The following MMP11 variants were observed in gnomAD, a reference collection of about 807,000 sequenced individuals.
MMP11 encodes the protein stromelysin-3.
A neutral mutation model predicts 49.5 loss-of-function variants in MMP11; 26 were observed. The ratio of observed to expected loss-of-function variants is 0.52; its 90% CI spans 0.38 to 0.73. The LOEUF is 0.73. Ranked by LOEUF, MMP11 falls within the 30% of genes least tolerant of loss-of-function variation. The pLI is 0.00. For synonymous variants in MMP11, 265 were observed against 282.3 expected (o/e 0.94, Z 0.62); for missense variants, 624 against 671.2 (o/e 0.93, Z 0.78).
At chr22:23,781,842 G>C (rs1160512857) in intron 6 of MMP11, 2 of 593,360 alleles carry the variant, frequency 3.4e-6, no homozygotes, top group African/African-American at 3.7e-5. Context: ...CATTGCAGAT[G>C]CCAGGGACTT....
In MMP11 at chr22:23,780,718, A is replaced by ATGGGC; in HGVS notation, c.616+8_616+12dup. ...CTGGACTATCGGGGATGACCAGGGT[A>ATGGGC]TGGGCTGGGGACCCATTTTCCAGAT... On this transcript the variant is annotated splice_donor_region_variant and intron_variant, in intron 4 of 7. Coordinates refer to ENST00000215743, the MANE Select transcript of MMP11 (RefSeq NM_005940.5). The surrounding 1 kb of genome is among the most constrained non-coding windows in gnomAD (Gnocchi z 4.6). 3 of 1,549,776 alleles carry ATGGGC rather than the reference A, an allele frequency of 1.9e-6. No individual in the cohort carries two copies. The highest frequency in any genetic ancestry group is 2.6e-6 in the Non-Finnish European group (3 of 1,151,168).
In MMP11 at chr22:23,772,965, G is replaced by C; in HGVS notation, c.95G>C (p.Arg32Pro). 1.7e-6 allele frequency: 2 copies of C among 1,208,718 alleles called. No homozygotes were observed. The highest frequency in any genetic ancestry group is 2.1e-6 in the Non-Finnish European group (2 of 969,950). 74.9% of individuals were successfully genotyped at this position (1,208,718 alleles called of 1,614,324 possible). The change falls in exon 1 of 8, where the codon CGG becomes CCG. Residue 32 changes from arginine to proline, a missense_variant. Physicochemically the swap from Arg to Pro is moderately radical, Grantham distance 103. Coordinates refer to ENST00000215743, the MANE Select transcript of MMP11 (RefSeq NM_005940.5). ...LLLQPPPLLA[R>P]ALPPDAHHLH... is the part of the protein sequence containing the mutation. ...CTCCAGCCGCCGCCGCTGCTGGCCC[G>C]GGCTCTGCCGCCGGTGAGTGCCCGC...
At chr22:23,775,031 C>G (rs148762416) in intron 1 of MMP11, among the ~76,000 whole-genome samples, 1 of 152,208 alleles carries the variant, frequency 6.6e-6, no homozygotes. Flanking sequence ...GAGCTAAGAA[C>G]CCACCACAGG....
chr22:23,774,280 T>C (rs543340001), intron 1 of MMP11, among the ~76,000 whole-genome samples: 6 of 152,240 alleles, frequency 3.9e-5, no homozygotes, highest in African/African-American at 1.2e-4. Context: ...CTAGAAACAC[T>C]GTCACCTGTA....
Position 23,783,362 on chromosome 22 carries a change from G to GT in MMP11, c.1334-48dup, listed in dbSNP as rs772129846. On this transcript the variant is annotated intron_variant, in intron 7 of 7. Transcript: ENST00000215743. ...CCTGGGCACAGCCTGACAGGCAGGAGTAGGGCCCAGTGTCCGCTCGCCCAG... is the reference window on the plus strand; with the variant it reads ...CCTGGGCACAGCCTGACAGGCAGGAGTTAGGGCCCAGTGTCCGCTCGCCCAG... The GT allele has an allele frequency of 3.1e-6, 5 of 1,606,358 alleles. No homozygotes were observed. In the African/African-American group the frequency reaches 5.3e-5, roughly 17 times the overall value.
chr22:23,781,609 G>A (rs1927637952), intron 6 of MMP11, 200 bp downstream of exon 6: 1 of 631,730 alleles, frequency 1.6e-6, no homozygotes, highest in East Asian at 2.7e-5. Context: ...CTTGAGATAG[G>A]AGCAGCGTGG....
chr22:23,779,519 C>T (rs1028213820), intron 2 of MMP11, 103 bp downstream of exon 2: 8 of 1,036,312 alleles, frequency 7.7e-6, no homozygotes, highest in East Asian at 2.6e-5. Flanking sequence ...GGTAGATCTT[C>T]GTGTCTAACA....
chr22:23,775,300 G>A (rs1927372404), intron 1 of MMP11, among the ~76,000 whole-genome samples: 1 of 152,198 alleles, frequency 6.6e-6, no homozygotes, highest in South Asian at 2.1e-4. Flanking sequence ...AGCTCCCCAG[G>A]GGTGTAGATG....
At chr22:23,781,459 G>T in intron 6 of MMP11, 50 bp downstream of exon 6, 1 of 1,506,466 alleles carries the variant, frequency 6.6e-7, no homozygotes, top group Non-Finnish European at 9.0e-7. Flanking sequence ...AGCCAGGAAT[G>T]TTATGGCCAA....
Position 23,783,500 on chromosome 22 carries a change from C to G in MMP11, c.1423C>G (p.Pro475Ala), listed in dbSNP as rs749094790. 1.2e-6 allele frequency: 2 copies of G among 1,614,084 alleles called. No individual in the cohort carries two copies. Among genetic ancestry groups the G allele is most frequent in the Non-Finnish European group, 1.7e-6 (2 of 1,180,030 alleles). ...ALEGFPRLVGPDFFGCAEPAN... is the reference protein window; with the variant it reads ...ALEGFPRLVGADFFGCAEPAN... ...GGAAGGCTTCCCCCGTCTCGTGGGTCCTGACTTCTTTGGCTGTGCCGAGCC... is the reference window on the plus strand; with the variant it reads ...GGAAGGCTTCCCCCGTCTCGTGGGTGCTGACTTCTTTGGCTGTGCCGAGCC... Residue 475 changes from proline (P) to alanine (A), a missense_variant, in exon 8 of 8, where the codon CCT becomes GCT. Physicochemically the swap from Pro to Ala is conservative, Grantham distance 27. Transcript: ENST00000215743.
chr22:23,774,387 C>T (rs112690939), intron 1 of MMP11, among the ~76,000 whole-genome samples: 45 of 152,288 alleles, frequency 3.0e-4, no homozygotes, highest in African/African-American at 9.4e-4. Flanking sequence ...TCTGCAAACA[C>T]GCAGGGAGCA....
rs1178962181 is a variant in MMP11 at position 23,783,803 on chromosome 22, T to C, written c.*259T>C. ...AGAGGAAGGGCAGTCTTGGGCCCGCTATGCAGGTCCTGGCAAACCTGGCTG... is the reference window on the plus strand; with the variant it reads ...AGAGGAAGGGCAGTCTTGGGCCCGCCATGCAGGTCCTGGCAAACCTGGCTG... On this transcript the variant is annotated 3_prime_UTR_variant, in exon 8 of 8. Transcript: ENST00000215743. 5 of 538,812 alleles carry C rather than the reference T, an allele frequency of 9.3e-6. No individual in the cohort carries two copies. In the Admixed American group the frequency reaches 1.2e-4, roughly 13 times the overall value. The allele number at this position is 538,812 out of a possible 1,614,324, so 33.4% of individuals were successfully genotyped here.
Position 23,772,970 on chromosome 22 carries a change from C to G in MMP11, c.100C>G (p.Leu34Val). Residue 34 changes from leucine (L) to valine (V), a missense_variant, in exon 1 of 8, where the codon CTG (leucine) becomes GTG (valine). Physicochemically the swap from Leu to Val is conservative, Grantham distance 32. Coordinates refer to ENST00000215743, the MANE Select transcript of MMP11 (RefSeq NM_005940.5). The stretch of plus-strand genomic sequence containing the variant: ...GCCGCCGCCGCTGCTGGCCCGGGCT[C>G]TGCCGCCGGTGAGTGCCCGCCACTC... ...LQPPPLLARA[L>V]PPDAHHLHAE... 1 of 1,207,312 alleles carries G rather than the reference C, an allele frequency of 8.3e-7. No individual in the cohort carries two copies. 74.8% of individuals were successfully genotyped at this position (1,207,312 alleles called of 1,614,324 possible).
At chr22:23,773,234 G>A (rs1927297520) in intron 1 of MMP11, among the ~76,000 whole-genome samples, 1 of 152,198 alleles carries the variant, frequency 6.6e-6, no homozygotes, top group Non-Finnish European at 1.5e-5. Flanking sequence ...TGCTCCCAGC[G>A]TGGGGACCTG....
At position 23,779,354 on chromosome 22, in the gene MMP11, C is replaced by A. The variant is rs1927532437; in HGVS notation, c.276C>A (p.Arg92=). ...ACCCATCTGATGGGCTGAGTGCCCG[C>A]AACCGACAGAAGAGGTTCGTGCTTT... The part of the protein sequence containing the change: ...VPDPSDGLSA[R]NRQKRFVLSG... The change falls in exon 2 of 8, where the codon CGC becomes CGA. Residue 92 remains arginine (R), a synonymous_variant. Coordinates refer to ENST00000215743, the MANE Select transcript of MMP11 (RefSeq NM_005940.5). 6.2e-7 allele frequency: 1 copy of A among 1,613,194 alleles called. No homozygotes were observed. Among genetic ancestry groups the A allele is most frequent in the Non-Finnish European group, 8.5e-7 (1 of 1,179,956 alleles).
chr22:23,779,908 C>T (rs952351563), intron 2 of MMP11: 1 of 256,058 alleles, frequency 3.9e-6, no homozygotes, highest in Non-Finnish European at 7.6e-6. Context: ...CCTGGGAGGA[C>T]CCTGGGCAGG....
intron 1 of MMP11, among the ~76,000 whole-genome samples, chr22:23,774,422 A>C (rs1392727548): frequency 3.9e-5 from 6 of 152,128 alleles, no homozygotes; most frequent in African/African-American, 1.4e-4. Context: ...TGATGTGTTT[A>C]TCCCCCGGCT....
rs8137555 is a variant in MMP11, at chr22:23,784,120, T to C, written c.*576T>C. Reference sequence around the variant, plus strand: ...GTTCACAGTCAAATGGGGAGGGGTATTCTTCATGCAGGAGACCCCAGGCCC... The same window carrying C: ...GTTCACAGTCAAATGGGGAGGGGTACTCTTCATGCAGGAGACCCCAGGCCC... On this transcript the variant is annotated 3_prime_UTR_variant, in exon 8 of 8. Transcript: ENST00000215743. 7,160 of 159,238 alleles carry C rather than the reference T, an allele frequency of 0.045. 542 individuals carry two copies. Among genetic ancestry groups the C allele is most frequent in the African/African-American group, 0.16 (6,731 of 41,684 alleles). 9.9% of individuals were successfully genotyped at this position (159,238 alleles called of 1,614,324 possible).
Position 23,780,472 on chromosome 22 carries a change from G to A in MMP11, c.452G>A (p.Gly151Asp). The change falls in exon 3 of 8, where the codon GGC becomes GAC. Residue 151 changes from glycine to aspartate, a missense_variant. Transcript: ENST00000215743. This position sits in a 1 kb window ranked among gnomAD's most constrained non-coding sequence, Gnocchi z 4.6. ...CTCACCTTTACTGAGGTGCACGAGG[G>A]CCGTGCTGACATCATGATCGACTTC... Reference protein sequence around the residue: ...TPLTFTEVHEGRADIMIDFAR... With the variant: ...TPLTFTEVHEDRADIMIDFAR... 1 of 1,614,026 alleles carries A rather than the reference G, an allele frequency of 6.2e-7. No individual in the cohort carries two copies. The highest frequency in any genetic ancestry group is 8.5e-7 in the Non-Finnish European group (1 of 1,180,022).
Sources: allele counts gnomAD v4.1 joint callset (sites outside exome capture counted in the v4.1 genomes callset), GRCh38; gene constraint gnomAD v4.1.1; non-coding constraint Gnocchi (gnomAD v3.1); transcripts MANE v1.5; gene names NCBI Gene and HGNC (gene_info 2026-07-23, HGNC 2026-07-21).